The following ME2 variants were observed in gnomAD, a reference collection of about 807,000 sequenced individuals.
ME2 encodes NAD-dependent malic enzyme, mitochondrial.
In ME2, 60 loss-of-function variants were observed where a neutral mutation model predicts 73.7. The ratio of observed to expected loss-of-function variants is 0.81; its 90% confidence interval spans 0.66 to 1.01. The LOEUF (loss-of-function observed/expected upper bound fraction) is 1.01. ME2 is among the 50% of genes least tolerant of loss of function. The probability of loss-of-function intolerance (pLI) is 0.00; values close to 1 mark genes in which losing one functional copy is unlikely to be tolerated. For synonymous variants in ME2, 199 were observed against 236.9 expected, an observed-to-expected ratio of 0.84 and a Z score of 1.47; for missense variants, 594 against 705.5, an observed-to-expected ratio of 0.84 and a Z score of 1.79.
chr18:50,891,870 A>G, intron 1 of ME2, among the ~76,000 whole-genome samples: 1 of 151,130 alleles, frequency 6.6e-6, no homozygotes, highest in African/African-American at 2.4e-5. Context: ...CTGGAGTGCA[A>G]TGGCACAGTC....
rs1052181841 is a variant in ME2, at chr18:50,947,686, C to T, written c.*502C>T. 6.6e-6 allele frequency: 1 copy of T among 152,474 alleles called. No individual in the cohort carries two copies. Among genetic ancestry groups the T allele is most frequent in the African/African-American group, 2.4e-5 (1 of 41,554 alleles). The allele number at this position is 152,474 out of a possible 1,614,324, so 9.4% of individuals were successfully genotyped here. On this transcript the variant is annotated 3_prime_UTR_variant, in exon 16 of 16. Coordinates refer to ENST00000321341, the MANE Select transcript of ME2 (RefSeq NM_002396.5). ...ATATCTGCTTCATCTTACCTTCATACTCTGAAATTCCCTATAGCAGACAGA... is the reference window on the plus strand; with the variant it reads ...ATATCTGCTTCATCTTACCTTCATATTCTGAAATTCCCTATAGCAGACAGA...
chr18:50,899,336 G>A (rs932106192), intron 2 of ME2, among the ~76,000 whole-genome samples: 2 of 152,184 alleles, frequency 1.3e-5, no homozygotes, highest in Admixed American at 1.3e-4. Flanking sequence ...TCTTCAGCTG[G>A]CTGTGGTGGC....
chr18:50,946,866 G>A, intron 15 of ME2, 151 bp from the exon 16 acceptor site: 1 of 664,072 alleles, frequency 1.5e-6, no homozygotes. Context: ...GTTTCCAAAT[G>A]TTTTGAAAGG....
intron 2 of ME2, among the ~76,000 whole-genome samples, chr18:50,897,477 G>C (rs1916772646): frequency 6.6e-6 from 1 of 152,316 alleles, no homozygotes; most frequent in East Asian, 1.9e-4. Context: ...TGTAATCCCA[G>C]CACCTTGGGA....
At chr18:50,925,946 A>G (rs374356007) in intron 12 of ME2, 48 bp downstream of exon 12, 5 of 1,327,332 alleles carry the variant, frequency 3.8e-6, no homozygotes, top group African/African-American at 2.9e-5. Context: ...TCCCTCCACT[A>G]GCTTATTAGT....
chr18:50,940,637 T>G (rs1286945190), intron 15 of ME2, among the ~76,000 whole-genome samples: 1 of 152,170 alleles, frequency 6.6e-6, no homozygotes, highest in Admixed American at 6.5e-5. Flanking sequence ...GAAAAATTGT[T>G]TTAAAGAATA....
chr18:50,896,377 C>T (rs1343561078), intron 2 of ME2, among the ~76,000 whole-genome samples: 1 of 152,172 alleles, frequency 6.6e-6, no homozygotes, highest in African/African-American at 2.4e-5. Flanking sequence ...TGGACACAAA[C>T]CATTGCACAC....
intron 4 of ME2, 143 bp downstream of exon 4, chr18:50,913,093 G>C: frequency 3.3e-6 from 2 of 612,482 alleles, no homozygotes; most frequent in Non-Finnish European, 5.2e-6. Flanking sequence ...GATTAAAAGA[G>C]ATTAACAAAA....
rs1197582986 is a variant in ME2, at chr18:50,951,422, A to T, written c.*4238A>T. On this transcript the variant is annotated 3_prime_UTR_variant, in exon 16 of 16. Coordinates refer to ENST00000321341, the MANE Select transcript of ME2 (RefSeq NM_002396.5). ...ATGCTCCCATAGTTTTTTTTCCTCAAGCCCAGTCAGTATCCTTCAAGGATA... is the reference window on the plus strand; with the variant it reads ...ATGCTCCCATAGTTTTTTTTCCTCATGCCCAGTCAGTATCCTTCAAGGATA... 6.6e-6 allele frequency: 1 copy of T among 152,112 alleles called. No homozygotes were observed. The highest frequency in any genetic ancestry group is 6.5e-5 in the Admixed American group (1 of 15,278). The allele number at this position is 152,112 out of a possible 1,614,324, so 9.4% of individuals were successfully genotyped here. A position where few individuals can be genotyped will look rare whatever the true frequency, so the allele number is the denominator to read the frequency against.
At chr18:50,930,032 C>T (rs1917656297) in intron 12 of ME2, among the ~76,000 whole-genome samples, 1 of 152,040 alleles carries the variant, frequency 6.6e-6, no homozygotes, top group Admixed American at 6.6e-5. Flanking sequence ...GTTTTAAGAT[C>T]AAGGATTGCT....
In ME2 at chr18:50,947,252, G is replaced by A. The variant is rs563477429; in HGVS notation, c.*68G>A. The A allele has an allele frequency of 7.4e-6, 11 of 1,482,326 alleles. No individual in the cohort carries two copies. Among genetic ancestry groups the A allele is most frequent in the Middle Eastern group, 2.5e-4 (1 of 4,028 alleles). 91.8% of individuals were successfully genotyped at this position (1,482,326 alleles called of 1,614,324 possible). ...CTTTTTTCAGACAAGAAGAGATAAT[G>A]TCTTCAGTTTTATGGTGTTTTCTGT... On this transcript the variant is annotated 3_prime_UTR_variant, in exon 16 of 16. Transcript: ENST00000321341.
intron 2 of ME2, among the ~76,000 whole-genome samples, chr18:50,906,062 G>C (rs754398838): frequency 6.6e-6 from 1 of 152,032 alleles, no homozygotes; most frequent in Non-Finnish European, 1.5e-5. Context: ...TCAATTTGGT[G>C]GGACATTATT....
At chr18:50,880,827 C>T (rs1488448009) in intron 1 of ME2, among the ~76,000 whole-genome samples, 2 of 152,162 alleles carry the variant, frequency 1.3e-5, no homozygotes, top group African/African-American at 2.4e-5. Flanking sequence ...CTGAGAACTG[C>T]TTATGGGTGA....
intron 13 of ME2, chr18:50,935,335 A>T (rs1164933226): frequency 1.3e-5 from 2 of 152,164 alleles, no homozygotes; most frequent in Non-Finnish European, 2.9e-5. Context: ...CCCTGGATAT[A>T]CCGTAAATGC....
intron 2 of ME2, among the ~76,000 whole-genome samples, chr18:50,902,119 C>T (rs1916905284): frequency 6.6e-6 from 1 of 152,090 alleles, no homozygotes; most frequent in African/African-American, 2.4e-5. Context: ...ATAGTAAATA[C>T]CTATGCAAAC....
chr18:50,918,168 A>T lies in ME2; in HGVS notation c.689A>T (p.Gln230Leu). The T allele has an allele frequency of 6.2e-7, 1 of 1,611,378 alleles. No homozygotes were observed. The highest frequency in any genetic ancestry group is 1.1e-5 in the South Asian group (1 of 90,742). ...GLYQKRDRTQ[Q>L]YDDLIDEFMK... Reference sequence around the variant, plus strand: ...TACCAGAAACGAGATCGCACACAACAGTATGATGACCTGATTGATGAGTTT... The same window carrying T: ...TACCAGAAACGAGATCGCACACAACTGTATGATGACCTGATTGATGAGTTT... The change falls in exon 7 of 16, where the codon CAG (glutamine) becomes CTG (leucine). Residue 230 changes from glutamine (Q) to leucine (L), a missense_variant. Physicochemically the swap from Gln to Leu is moderately radical, Grantham distance 113. Transcript: ENST00000321341.
Position 50,932,340 on chromosome 18 carries a change from A to T in ME2, c.1397A>T (p.Asn466Ile). 6.2e-7 allele frequency: 1 copy of T among 1,612,808 alleles called. No homozygotes were observed. ...CGAGTCTTTACACCAGGTCAAGGAA[A>T]CAATGTTTATATTTTTCCAGGTAAA... ...DGRVFTPGQGNNVYIFPGVAL... is the reference protein window; with the variant it reads ...DGRVFTPGQGINVYIFPGVAL... The change falls in exon 13 of 16, where the codon AAC becomes ATC. Residue 466 changes from asparagine to isoleucine, a missense_variant. Transcript: ENST00000321341.
At chr18:50,899,672 C>T (rs1916840518) in intron 2 of ME2, among the ~76,000 whole-genome samples, 1 of 152,142 alleles carries the variant, frequency 6.6e-6, no homozygotes, top group Admixed American at 6.5e-5. Flanking sequence ...GACCACTGCT[C>T]TAGGAAGTTT....
chr18:50,932,204 A>G (rs1266704679), intron 12 of ME2, 54 bp from the exon 13 acceptor site: 1 of 1,506,380 alleles, frequency 6.6e-7, no homozygotes, highest in African/African-American at 1.4e-5. Flanking sequence ...ATTCACCTCA[A>G]TTTTCTCATC....
Sources: allele counts gnomAD v4.1 joint callset (sites outside exome capture counted in the v4.1 genomes callset), GRCh38; gene constraint gnomAD v4.1.1; transcripts MANE v1.5; gene names NCBI Gene and HGNC (gene_info 2026-07-23, HGNC 2026-07-21).